The following ATG7 variants were observed in gnomAD, a reference collection of about 807,000 sequenced individuals.
ATG7 encodes ubiquitin-like modifier-activating enzyme ATG7.
ATG7 carries 70 observed loss-of-function variants against 82.4 expected under a neutral mutation model. The observed-to-expected ratio is 0.85, with a 90% CI of 0.70 to 1.04. The LOEUF is 1.04. ATG7 is among the 50% of genes least tolerant of loss of function. ATG7 has a pLI of 0.00. For synonymous variants in ATG7, 287 were observed against 313.0 expected (o/e 0.92, Z 0.88); for missense variants, 792 against 864.3 (o/e 0.92, Z 1.05).
intron 19 of ATG7, among the ~76,000 whole-genome samples, chr3:11,401,016 T>C (rs1397162792): frequency 6.6e-6 from 1 of 152,234 alleles, no homozygotes; most frequent in East Asian, 1.9e-4. Flanking sequence ...GCTTAATGGG[T>C]TGAATCCCAA....
intron 3 of ATG7, among the ~76,000 whole-genome samples, chr3:11,297,162 C>T (rs1946063337): frequency 6.6e-6 from 1 of 152,066 alleles, no homozygotes; most frequent in South Asian, 2.1e-4. Flanking sequence ...TCGAGACCAG[C>T]CTGGGTGACA....
chr3:11,285,609 G>T (rs1183713047), intron 3 of ATG7, among the ~76,000 whole-genome samples: 1 of 152,016 alleles, frequency 6.6e-6, no homozygotes, highest in African/African-American at 2.4e-5. Context: ...ATCTCCCCAG[G>T]AGCCTTCCTC....
intron 13 of ATG7, among the ~76,000 whole-genome samples, chr3:11,343,128 C>G (rs1429056933): frequency 6.6e-6 from 1 of 152,080 alleles, no homozygotes; most frequent in Non-Finnish European, 1.5e-5. Context: ...GGGGTTTCAT[C>G]ATGTTGTCCA....
intron 9 of ATG7, among the ~76,000 whole-genome samples, 159 bp downstream of exon 9, chr3:11,315,652 A>G (rs112211671): frequency 0.026 from 3,986 of 152,274 alleles, 159 homozygotes; most frequent in African/African-American, 0.089. Flanking sequence ...TCCCACCCCT[A>G]CAGTTATCGA....
At chr3:11,310,080 A>C (rs1948411549) in intron 7 of ATG7, among the ~76,000 whole-genome samples, 1 of 151,964 alleles carries the variant, frequency 6.6e-6, no homozygotes, top group South Asian at 2.1e-4. Context: ...TGGGAGGATC[A>C]TCTGAGCCTG....
chr3:11,500,364 A>G (rs1182607302), intron 20 of ATG7, among the ~76,000 whole-genome samples: 1 of 152,222 alleles, frequency 6.6e-6, no homozygotes, highest in Non-Finnish European at 1.5e-5. Flanking sequence ...ACAAAAATTG[A>G]TCATATCGAG....
intron 20 of ATG7, among the ~76,000 whole-genome samples, chr3:11,433,557 T>C (rs1360632321): frequency 6.6e-6 from 1 of 152,222 alleles, no homozygotes; most frequent in African/African-American, 2.4e-5. Context: ...AGAGAGTTAA[T>C]AGAACAAGCT....
chr3:11,573,245 GAGAAAGAA>G, the ATG7 span, among the ~76,000 whole-genome samples: 2,716 of 78,530 alleles, frequency 0.035, 111 homozygotes, highest in Non-Finnish European at 0.039. Context: ...AAAAGAAATA[GAGAAAGAA>G]AGAAAGAAAG....
At chr3:11,503,921 A>G (rs1005418944) in intron 20 of ATG7, among the ~76,000 whole-genome samples, 7 of 152,122 alleles carry the variant, frequency 4.6e-5, no homozygotes, top group African/African-American at 1.7e-4. Flanking sequence ...AGATGAAAAG[A>G]TGGATCAGGC....
chr3:11,525,478 G>C (rs1168683616), intron 20 of ATG7, among the ~76,000 whole-genome samples: 2 of 116,368 alleles, frequency 1.7e-5, no homozygotes, highest in African/African-American at 7.0e-5. Context: ...TTACTCCTTT[G>C]CCCTTGTATG....
At chr3:11,486,245 G>C (rs1172927590) in intron 20 of ATG7, among the ~76,000 whole-genome samples, 1 of 152,190 alleles carries the variant, frequency 6.6e-6, no homozygotes, top group East Asian at 1.9e-4. Context: ...TCTCCTTGAA[G>C]AGGTCCTTCA....
chr3:11,379,717 TTTG>T (rs2152846543), intron 18 of ATG7, among the ~76,000 whole-genome samples: 1 of 152,362 alleles, frequency 6.6e-6, no homozygotes, highest in African/African-American at 2.4e-5. Context: ...TTAGAGTCAG[TTTG>T]TTTTTAGGTC....
chr3:11,358,540 T>A lies in ATG7; in HGVS notation c.1407T>A (p.Asp469Glu), dbSNP rs900242955. Reference protein sequence around the residue: ...EQLEQLIESHDVVFLLMDTRE... With the variant: ...EQLEQLIESHEVVFLLMDTRE... The stretch of plus-strand genomic sequence containing the variant: ...TGGAGCAGCTCATCGAAAGCCATGA[T>A]GTCGTCTTCCTATTGATGGACACCA... The change falls in exon 15 of 21, where the codon GAT becomes GAA. Residue 469 changes from aspartate (D) to glutamate (E), a missense_variant. Coordinates refer to ENST00000693202, the MANE Select transcript of ATG7 (RefSeq NM_001349232.2). 2 of 1,614,122 alleles carry A rather than the reference T, an allele frequency of 1.2e-6. No homozygotes were observed. The highest frequency in any genetic ancestry group is 2.7e-5 in the African/African-American group (2 of 75,034).
chr3:11,568,442 G>T, the ATG7 span, among the ~76,000 whole-genome samples: 1 of 152,202 alleles, frequency 6.6e-6, no homozygotes, highest in Non-Finnish European at 1.5e-5. This position sits in a 1 kb window ranked among gnomAD's most constrained non-coding sequence, Gnocchi z 5.9. Context: ...CCCACCCTAC[G>T]CAGGGCAGCA....
intron 20 of ATG7, among the ~76,000 whole-genome samples, chr3:11,436,029 G>T (rs1559619707): frequency 6.6e-6 from 1 of 152,094 alleles, no homozygotes; most frequent in Non-Finnish European, 1.5e-5. Context: ...GAGCCCAGGA[G>T]CTGGAGACCA....
intron 20 of ATG7, among the ~76,000 whole-genome samples, chr3:11,480,037 C>T (rs1377180106): frequency 6.6e-6 from 1 of 151,992 alleles, no homozygotes; most frequent in African/African-American, 2.4e-5. Flanking sequence ...ACGACATTCT[C>T]CTGCCTCAGC....
chr3:11,564,091 C>T, the ATG7 span, among the ~76,000 whole-genome samples: 1 of 152,212 alleles, frequency 6.6e-6, no homozygotes, highest in African/African-American at 2.4e-5. Context: ...CCTATTAGGT[C>T]GCAGTCCCTG....
chr3:11,396,638 C>T (rs1455648370), intron 19 of ATG7, among the ~76,000 whole-genome samples: 3 of 151,874 alleles, frequency 2.0e-5, no homozygotes, highest in South Asian at 2.1e-4. Context: ...AAAGTTTAGC[C>T]GGGCATGGTG....
chr3:11,380,603 G>A (rs2077817546), intron 19 of ATG7, among the ~76,000 whole-genome samples: 1 of 152,196 alleles, frequency 6.6e-6, no homozygotes, highest in African/African-American at 2.4e-5. Context: ...CAAAACTACA[G>A]TGATGGCATC....
Sources: gnomAD v4.1 joint callset for allele counts (sites outside exome capture counted in the v4.1 genomes callset) on GRCh38, gnomAD v4.1.1 for gene constraint, Gnocchi (gnomAD v3.1) non-coding constraint, MANE v1.5 for transcripts, NCBI Gene and HGNC (gene_info 2026-07-23, HGNC 2026-07-21) for gene names.